ADAP2: variants seen among roughly 807,000 people sequenced by gnomAD.
ADAP2 encodes the protein ArfGAP with dual PH domains 2, also known as arf-GAP with dual PH domain-containing protein 2.
ADAP2 carries 42 observed loss-of-function variants against 54.9 expected under a neutral mutation model. That is an observed-to-expected ratio of 0.77 (90% CI 0.60 to 0.99). ADAP2 has a LOEUF of 0.99. Ranked by LOEUF, ADAP2 falls within the 50% of genes least tolerant of loss-of-function variation. The pLI is 0.00. For synonymous variants in ADAP2, 177 were observed against 180.1 expected (o/e 0.98, Z 0.14); for missense variants, 429 against 480.4 (o/e 0.89, Z 1.00).
intron 5 of ADAP2, among the ~76,000 whole-genome samples, chr17:30,937,075 G>C (rs758880164): frequency 1.4e-4 from 21 of 151,706 alleles, no homozygotes; most frequent in Admixed American, 1.1e-3. Context: ...TTACAGGCGC[G>C]CACCACCATG....
At chr17:30,954,343 A>T in intron 8 of ADAP2, 135 bp from the exon 9 acceptor site, 1 of 729,548 alleles carries the variant, frequency 1.4e-6, no homozygotes, top group South Asian at 1.5e-5. Context: ...AAGCACTAGG[A>T]TGTCTGACTG....
At chr17:30,956,158 A>G in intron 9 of ADAP2, 83 bp from the exon 10 acceptor site, 1 of 1,310,400 alleles carries the variant, frequency 7.6e-7, no homozygotes, top group South Asian at 1.3e-5. Flanking sequence ...CCTTTCCCAA[A>G]ATAAAGCTTG....
rs1235480284 is a variant in ADAP2, at chr17:30,956,396, G to A, written c.1038G>A (p.Glu346=). 2 of 1,614,238 alleles carry A rather than the reference G, an allele frequency of 1.2e-6. No homozygotes were observed. The highest frequency in any genetic ancestry group is 2.2e-5 in the East Asian group (1 of 44,882). ...ERRFVLTCPS[E]KEQQEWLESL... is the part of the protein sequence containing the mutation. The stretch of plus-strand genomic sequence containing the variant: ...GATTTGTCCTCACTTGCCCCAGTGA[G>A]AAGGAACAGCAGGAATGGCTGGAAA... The change falls in exon 10 of 11, where the codon GAG becomes GAA. Residue 346 remains glutamate (E), a synonymous_variant. Transcript: ENST00000330889.
At chr17:30,950,195 G>C (rs1904521290) in intron 7 of ADAP2, among the ~76,000 whole-genome samples, 1 of 152,128 alleles carries the variant, frequency 6.6e-6, no homozygotes, top group East Asian at 1.9e-4. Flanking sequence ...GGAAAGCCTG[G>C]GATCCTCTCC....
At chr17:30,922,893 T>C (rs1400435401) in intron 1 of ADAP2, 47 bp from the exon 2 acceptor site, 1 of 1,600,100 alleles carries the variant, frequency 6.2e-7, no homozygotes, top group African/African-American at 1.3e-5. Flanking sequence ...CCCTGGTTTC[T>C]TCACCGCGCT....
chr17:30,957,735 C>A, intron 10 of ADAP2, 100 bp from the exon 11 acceptor site: 1 of 1,214,430 alleles, frequency 8.2e-7, no homozygotes, highest in African/African-American at 1.5e-5. Context: ...CCGGCCATGG[C>A]TCCCTCTGTC....
chr17:30,948,430 TGTG>T (rs1904332185), intron 6 of ADAP2, among the ~76,000 whole-genome samples: 1 of 146,780 alleles, frequency 6.8e-6, no homozygotes, highest in Admixed American at 6.8e-5. Flanking sequence ...AAATTAGCCG[TGTG>T]GTGGTGGGCG....
chr17:30,948,333 C>G (rs532644737), intron 6 of ADAP2, among the ~76,000 whole-genome samples: 1 of 151,838 alleles, frequency 6.6e-6, no homozygotes, highest in East Asian at 1.9e-4. Context: ...AATCCCAGCA[C>G]TTTGGGAGGC....
intron 7 of ADAP2, among the ~76,000 whole-genome samples, chr17:30,950,468 T>C (rs192579955): frequency 6.6e-6 from 1 of 152,312 alleles, no homozygotes; most frequent in African/African-American, 2.4e-5. Context: ...ATGGGTAAGA[T>C]GGCGGTTAGT....
intron 5 of ADAP2, among the ~76,000 whole-genome samples, chr17:30,943,233 C>T (rs957134698): frequency 4.6e-5 from 7 of 151,874 alleles, no homozygotes; most frequent in African/African-American, 1.2e-4. Flanking sequence ...GGCGTGGTGG[C>T]GTATCCCTGT....
chr17:30,949,811 G>A (rs112358360), intron 7 of ADAP2, among the ~76,000 whole-genome samples: 46 of 151,404 alleles, frequency 3.0e-4, no homozygotes, highest in African/African-American at 1.0e-3. Flanking sequence ...GCAAGACCTC[G>A]AGGTTGAGGG....
At chr17:30,939,820 A>G (rs1445932315) in intron 5 of ADAP2, among the ~76,000 whole-genome samples, 1 of 151,682 alleles carries the variant, frequency 6.6e-6, no homozygotes, top group Non-Finnish European at 1.5e-5. Context: ...AAAATTAAAG[A>G]TATAAACTTT....
chr17:30,931,601 G>A (rs1023991054), intron 3 of ADAP2, among the ~76,000 whole-genome samples: 1 of 152,104 alleles, frequency 6.6e-6, no homozygotes, highest in East Asian at 1.9e-4. Context: ...CAGGAGGATC[G>A]CTTGAGCCCT....
chr17:30,953,502 G>A, intron 8 of ADAP2, 152 bp downstream of exon 8: 1 of 699,734 alleles, frequency 1.4e-6, no homozygotes, highest in East Asian at 2.8e-5. Context: ...ACCCAGGACG[G>A]CTTGGAATGA....
At chr17:30,953,179 C>A in intron 7 of ADAP2, 109 bp from the exon 8 acceptor site, 3 of 904,030 alleles carry the variant, frequency 3.3e-6, no homozygotes, top group Admixed American at 1.9e-5. Flanking sequence ...GAGCCATGAG[C>A]GTACATCCTT....
chr17:30,925,732 A>G (rs1366225711), intron 2 of ADAP2, among the ~76,000 whole-genome samples: 1 of 151,728 alleles, frequency 6.6e-6, no homozygotes, highest in African/African-American at 2.4e-5. Context: ...AGTAGCTAGG[A>G]TTACAGGCGT....
chr17:30,954,857 G>A (rs946114400), intron 9 of ADAP2, among the ~76,000 whole-genome samples: 2 of 152,164 alleles, frequency 1.3e-5, no homozygotes, highest in Admixed American at 6.5e-5. Context: ...AGGCCGTGAT[G>A]TGTAGTAGTT....
intron 7 of ADAP2, among the ~76,000 whole-genome samples, chr17:30,952,456 A>G (rs1317154165): frequency 6.6e-6 from 1 of 151,904 alleles, no homozygotes; most frequent in Non-Finnish European, 1.5e-5. Flanking sequence ...GCTCACTGCA[A>G]CCTCTGCCTC....
intron 5 of ADAP2, among the ~76,000 whole-genome samples, chr17:30,943,985 G>A (rs763174931): frequency 6.6e-6 from 1 of 152,050 alleles, no homozygotes; most frequent in East Asian, 1.9e-4. Flanking sequence ...GAGGTCAGGA[G>A]TTTGAGACCA....
Sources: allele counts gnomAD v4.1 joint callset (sites outside exome capture counted in the v4.1 genomes callset), GRCh38; gene constraint gnomAD v4.1.1; transcripts MANE v1.5; gene names NCBI Gene and HGNC (gene_info 2026-07-23, HGNC 2026-07-21).